The following KIF13B variants were observed in gnomAD, a reference collection of about 807,000 sequenced individuals.
KIF13B encodes the protein kinesin-like protein KIF13B.
In KIF13B, 127 loss-of-function variants were observed where a neutral mutation model predicts 222.0. That is an observed-to-expected ratio of 0.57 (90% CI 0.50 to 0.66). KIF13B has a LOEUF of 0.66. KIF13B is among the 30% of genes least tolerant of loss of function. The probability of loss-of-function intolerance (pLI) is 0.00; values close to 1 mark genes in which losing one functional copy is unlikely to be tolerated. For missense variants in KIF13B, 2,173 were observed against 2,379.0 expected, an observed-to-expected ratio of 0.91 and a Z score of 1.80; for synonymous variants, 976 against 919.0, an observed-to-expected ratio of 1.06 and a Z score of -1.12.
At chr8:29,142,341 G>T in intron 18 of KIF13B, 38 bp from the exon 19 acceptor site, 1 of 1,578,472 alleles carries the variant, frequency 6.3e-7, no homozygotes, top group South Asian at 1.1e-5. Context: ...GAAACACACA[G>T]GCAGCGGGGA....
chr8:29,122,636 G>C lies in KIF13B; in HGVS notation c.3490C>G (p.Pro1164Ala). Residue 1164 changes from proline to alanine, a missense_variant, in exon 29 of 40, where the codon CCT (proline) becomes GCT (alanine). Pro to Ala is a conservative substitution (Grantham distance 27). This residue lies in a region of KIF13B where 1,480 missense variants were observed against 1,722.8 expected (regional missense o/e 0.86). Coordinates refer to ENST00000524189, the MANE Select transcript of KIF13B (RefSeq NM_015254.4). ...PGAPAEWTPV[P>A]GMETHIPVIF... is the part of the protein sequence containing the mutation. Reference sequence around the variant, plus strand: ...ACAGGAATGTGTGTCTCCATCCCAGGTACTGGGGTCCTAAAACGGGAAGAA... The same window carrying C: ...ACAGGAATGTGTGTCTCCATCCCAGCTACTGGGGTCCTAAAACGGGAAGAA... 1 of 1,608,306 alleles carries C rather than the reference G, an allele frequency of 6.2e-7. No individual in the cohort carries two copies. Among genetic ancestry groups the C allele is most frequent in the South Asian group, 1.1e-5 (1 of 89,496 alleles).
chr8:29,214,855 GC>G (rs1462564249), intron 2 of KIF13B, among the ~76,000 whole-genome samples: 1 of 152,108 alleles, frequency 6.6e-6, no homozygotes, highest in African/African-American at 2.4e-5. Context: ...GAATTTTTCA[GC>G]TCCTTCATAA....
chr8:29,225,995 A>G (rs747747610), intron 2 of KIF13B, among the ~76,000 whole-genome samples: 1 of 152,236 alleles, frequency 6.6e-6, no homozygotes, highest in Non-Finnish European at 1.5e-5. Context: ...ATAAGTAACT[A>G]GGGTCTGTAG....
rs371970761 is a variant in KIF13B at position 29,099,246 on chromosome 8, T to C, written c.4216-5A>G. Reference sequence around the variant, plus strand: ...CTGCTGACTTTCCCACCGGCCCTAGTAAAGACAAAATTGGCAATTTTGTTT... The same window carrying C: ...CTGCTGACTTTCCCACCGGCCCTAGCAAAGACAAAATTGGCAATTTTGTTT... On this transcript the variant is annotated splice_polypyrimidine_tract_variant and splice_region_variant and intron_variant, in intron 35 of 39. Coordinates refer to ENST00000524189, the MANE Select transcript of KIF13B (RefSeq NM_015254.4). 289 of 1,588,774 alleles carry C rather than the reference T, an allele frequency of 1.8e-4. 2 individuals carry two copies. Among genetic ancestry groups the C allele is most frequent in the East Asian group, 7.9e-4 (35 of 44,468 alleles).
At chr8:29,133,833 C>G (rs1481277773) in intron 22 of KIF13B, among the ~76,000 whole-genome samples, 8 of 152,178 alleles carry the variant, frequency 5.3e-5, no homozygotes, top group Non-Finnish European at 1.2e-4. Flanking sequence ...TATATACATA[C>G]ATATGTGTTT....
rs923859339 is a variant in KIF13B, at chr8:29,262,620, G to A, written c.55+360C>T. Among the ~76,000 whole-genome samples the A allele has an allele frequency of 6.6e-5, 10 of 151,802 alleles. 1 individual carries two copies. The South Asian group carries it at 2.1e-3, about 31-fold the overall frequency. On this transcript the variant is annotated intron_variant, in intron 1 of 39. Transcript: ENST00000524189. ...CGATGACAGCTGGCGGGGAAGGAGC[G>A]AGGCTGAGGGGCCAGGACGAGGCTG... is the stretch of plus-strand genomic sequence containing the variant.
chr8:29,219,665 A>G (rs1344589822), intron 2 of KIF13B, among the ~76,000 whole-genome samples: 1 of 151,922 alleles, frequency 6.6e-6, no homozygotes, highest in Non-Finnish European at 1.5e-5. Flanking sequence ...CGGTGAGAAA[A>G]TCACCTGAGT....
intron 35 of KIF13B, among the ~76,000 whole-genome samples, chr8:29,101,194 T>C (rs1586776673): frequency 1.3e-5 from 2 of 152,336 alleles, no homozygotes; most frequent in East Asian, 3.9e-4. Context: ...AGCTGCGGCC[T>C]TGTATACCCG....
At chr8:29,234,808 G>A (rs1030620931) in intron 2 of KIF13B, among the ~76,000 whole-genome samples, 1 of 151,886 alleles carries the variant, frequency 6.6e-6, no homozygotes, top group African/African-American at 2.4e-5. Context: ...GGTTGAAAAG[G>A]AAAAGGCCTA....
At chr8:29,197,044 A>T (rs1360529217) in intron 2 of KIF13B, among the ~76,000 whole-genome samples, 1 of 152,150 alleles carries the variant, frequency 6.6e-6, no homozygotes, top group Non-Finnish European at 1.5e-5. Context: ...GGACAAGAAA[A>T]TAACTCAATA....
At chr8:29,164,967 C>T (rs926599584) in intron 12 of KIF13B, among the ~76,000 whole-genome samples, 4 of 152,104 alleles carry the variant, frequency 2.6e-5, no homozygotes, top group African/African-American at 9.7e-5. Context: ...TGTGCCTCAG[C>T]CTCCCAAGTA....
intron 10 of KIF13B, among the ~76,000 whole-genome samples, chr8:29,171,759 C>CTT (rs869072795): frequency 4.7e-4 from 60 of 128,410 alleles, no homozygotes; most frequent in African/African-American, 1.3e-3. Context: ...TTTTTTTCTT[C>CTT]TTTTTTTTTT....
chr8:29,238,615 A>G (rs1586969426), intron 2 of KIF13B, among the ~76,000 whole-genome samples: 1 of 152,220 alleles, frequency 6.6e-6, no homozygotes, highest in Non-Finnish European at 1.5e-5. Flanking sequence ...TAGGTTAAAC[A>G]TGACACATGG....
At chr8:29,194,397 G>A (rs1813328777) in intron 3 of KIF13B, among the ~76,000 whole-genome samples, 1 of 151,740 alleles carries the variant, frequency 6.6e-6, no homozygotes, top group South Asian at 2.1e-4. Context: ...CCATAATGGA[G>A]CTAAGCCTGT....
intron 37 of KIF13B, among the ~76,000 whole-genome samples, chr8:29,092,152 C>G (rs1808328906): frequency 6.6e-6 from 1 of 152,256 alleles, no homozygotes; most frequent in Non-Finnish European, 1.5e-5. Context: ...CTATATAACG[C>G]TGGAAATTGC....
intron 2 of KIF13B, among the ~76,000 whole-genome samples, chr8:29,217,283 C>T (rs964147581): frequency 1.3e-5 from 2 of 152,182 alleles, no homozygotes; most frequent in African/African-American, 4.8e-5. Flanking sequence ...AAGCCATTTT[C>T]TCTTACAGCT....
At chr8:29,188,970 C>T (rs946607563) in intron 4 of KIF13B, among the ~76,000 whole-genome samples, 3 of 152,160 alleles carry the variant, frequency 2.0e-5, no homozygotes, top group Non-Finnish European at 4.4e-5. Context: ...TGCTTTTATT[C>T]GGTGGGTACC....
intron 9 of KIF13B, among the ~76,000 whole-genome samples, chr8:29,177,190 C>T (rs1475029587): frequency 1.3e-5 from 2 of 151,392 alleles, no homozygotes; most frequent in Non-Finnish European, 2.9e-5. Context: ...GCCAGGGATG[C>T]GGCTAGACAC....
chr8:29,230,031 A>C (rs1416108295), intron 2 of KIF13B, among the ~76,000 whole-genome samples: 2 of 152,258 alleles, frequency 1.3e-5, no homozygotes, highest in African/African-American at 4.8e-5. Context: ...AAGGCAAAAT[A>C]GCAGCTACCA....
Sources: gnomAD v4.1 joint callset for allele counts (sites outside exome capture counted in the v4.1 genomes callset) on GRCh38, gnomAD v4.1.1 for gene constraint, gnomAD v4.1.1 regional missense constraint, MANE v1.5 for transcripts, NCBI Gene and HGNC (gene_info 2026-07-23, HGNC 2026-07-21) for gene names.